The following UGGT1 variants were observed in gnomAD, a reference collection of about 807,000 sequenced individuals.
The protein encoded by UGGT1 is UDP-glucose glycoprotein glucosyltransferase 1, also known as UDP-glucose:glycoprotein glucosyltransferase 1.
In UGGT1, 107 loss-of-function variants were observed where a neutral mutation model predicts 203.9. That is an observed-to-expected ratio of 0.52 (90% CI 0.45 to 0.62). The LOEUF is 0.62. Ranked by LOEUF, UGGT1 falls within the 20% of genes least tolerant of loss-of-function variation. The pLI is 0.00. For missense variants in UGGT1, 1,673 were observed against 1,867.2 expected (o/e 0.90, Z 1.92); for synonymous variants, 628 against 653.5 (o/e 0.96, Z 0.59).
chr2:128,107,513 C>G (rs550328413), intron 3 of UGGT1, among the ~76,000 whole-genome samples: 23 of 152,220 alleles, frequency 1.5e-4, no homozygotes, highest in African/African-American at 4.8e-4. Flanking sequence ...TATAGATAGA[C>G]AGTGAATAAA....
At chr2:128,133,315 T>A in intron 14 of UGGT1, 55 bp downstream of exon 14, 1 of 1,593,242 alleles carries the variant, frequency 6.3e-7, no homozygotes, top group Non-Finnish European at 8.6e-7. Flanking sequence ...GCCTAGTCCC[T>A]CTTTTTTTGT....
Position 128,142,123 on chromosome 2 carries a change from G to A in UGGT1, c.1720-971G>A, listed in dbSNP as rs574558096. ...CGGCAGGCTAATTTTTGTGTTTTTA[G>A]TAGGGTTTCAGCATGTTGGCCAGGC... is the stretch of plus-strand genomic sequence containing the variant. On this transcript the variant is annotated intron_variant, in intron 16 of 40. Transcript: ENST00000259253. Among the ~76,000 whole-genome samples the A allele has an allele frequency of 4.6e-5, 7 of 151,814 alleles. No homozygotes were observed. In the South Asian group the frequency reaches 1.5e-3, roughly 32 times the overall value.
intron 2 of UGGT1, among the ~76,000 whole-genome samples, chr2:128,101,122 A>G (rs908133912): frequency 6.6e-6 from 1 of 152,186 alleles, no homozygotes; most frequent in Non-Finnish European, 1.5e-5. Context: ...CCAAGGTAAT[A>G]CGACATGTAG....
In UGGT1 at chr2:128,143,200, A is replaced by AT. The variant is rs767476081; in HGVS notation, c.1828dup (p.Ser610PhefsTer4). 14 of 1,613,472 alleles carry AT rather than the reference A, an allele frequency of 8.7e-6. No homozygotes were observed. Among genetic ancestry groups the AT allele is most frequent in the African/African-American group, 2.7e-5 (2 of 74,876 alleles). On this transcript the variant is annotated frameshift_variant, in exon 17 of 41. Transcript: ENST00000259253. LOFTEE classifies it high-confidence loss of function. ...GAAGTGAATAGCATTTTGGGGATTG[A>AT]TTCTGCTTATGATCGGAATCGGAAG...
At position 128,194,115 on chromosome 2, in the gene UGGT1, A is replaced by T. The variant is rs1331936006; in HGVS notation, c.*4373A>T. The T allele has an allele frequency of 6.6e-6, 1 of 152,108 alleles. No individual in the cohort carries two copies. Among genetic ancestry groups the T allele is most frequent in the Non-Finnish European group, 1.5e-5 (1 of 68,044 alleles). The allele number at this position is 152,108 out of a possible 1,614,324, so 9.4% of individuals were successfully genotyped here. ...CGTGGTTTTTTTCCCCCCTCAAGAC[A>T]GAGATTTGCTCTTGTTGCCCAGGGT... On this transcript the variant is annotated 3_prime_UTR_variant, in exon 41 of 41. Coordinates refer to ENST00000259253, the MANE Select transcript of UGGT1 (RefSeq NM_020120.4).
At chr2:128,096,831 C>T (rs146036016) in intron 1 of UGGT1, among the ~76,000 whole-genome samples, 1 of 152,254 alleles carries the variant, frequency 6.6e-6, no homozygotes, top group African/African-American at 2.4e-5. Flanking sequence ...CCTGGTGTGC[C>T]ACCAACTGAT....
rs189817474 is a variant in UGGT1 at position 128,158,748 on chromosome 2, G to A, written c.2356-766G>A. Among the ~76,000 whole-genome samples, 1,053 of 152,284 alleles carry A rather than the reference G, an allele frequency of 6.9e-3. 6 individuals carry two copies. Among genetic ancestry groups the A allele is most frequent in the South Asian group, 0.021 (102 of 4,822 alleles). On this transcript the variant is annotated intron_variant, in intron 22 of 40. Transcript: ENST00000259253. ...TACAAGCCCTTTTTTGGCTTTGTGT[G>A]TCCTGGGTGTATTCTTCCACTTGGA... is the stretch of plus-strand genomic sequence containing the variant.
chr2:128,106,930 G>A (rs1354896528), intron 3 of UGGT1, among the ~76,000 whole-genome samples: 1 of 152,074 alleles, frequency 6.6e-6, no homozygotes, highest in African/African-American at 2.4e-5. Flanking sequence ...CAATCCTCCT[G>A]CCTCGGCCTC....
chr2:128,185,915 G>A (rs1049525223), intron 38 of UGGT1, among the ~76,000 whole-genome samples: 16 of 152,044 alleles, frequency 1.1e-4, no homozygotes, highest in Admixed American at 1.0e-3. Flanking sequence ...GGACTCCACA[G>A]GAAAAAGGTT....
chr2:128,152,569 G>A (rs1363497802), intron 18 of UGGT1, among the ~76,000 whole-genome samples: 2 of 152,152 alleles, frequency 1.3e-5, no homozygotes, highest in Non-Finnish European at 2.9e-5. Context: ...AACAATATCT[G>A]CCTCACGTTG....
rs1690712543 is a variant in UGGT1, at chr2:128,164,911, T to TAAG, written c.2921+88_2921+90dup. ...ACCTCAGCTCCTTCATTTTTCCATA[T>TAAG]AAGATTTATATATAAGTTCTTACAG... is the stretch of plus-strand genomic sequence containing the variant. On this transcript the variant is annotated intron_variant, in intron 26 of 40. Transcript: ENST00000259253. The TAAG allele has an allele frequency of 3.1e-5, 30 of 971,890 alleles. No homozygotes were observed. The East Asian group carries it at 8.5e-4, about 28-fold the overall frequency. The allele number at this position is 971,890 out of a possible 1,614,324, so 60.2% of individuals were successfully genotyped here.
intron 1 of UGGT1, among the ~76,000 whole-genome samples, chr2:128,092,653 T>G (rs1191970407): frequency 6.9e-6 from 1 of 144,296 alleles, no homozygotes; most frequent in Non-Finnish European, 1.5e-5. Flanking sequence ...TTACCCAGGC[T>G]GGAGTGCAAT....
chr2:128,147,321 T>G (rs746625541), intron 18 of UGGT1, among the ~76,000 whole-genome samples: 10 of 152,214 alleles, frequency 6.6e-5, no homozygotes, highest in Non-Finnish European at 1.2e-4. Flanking sequence ...AAATCCAGAT[T>G]TCTATTTGGT....
chr2:128,173,657 T>G (rs1691229527), intron 29 of UGGT1, 124 bp from the exon 30 acceptor site: 1 of 1,175,518 alleles, frequency 8.5e-7, no homozygotes, highest in Non-Finnish European at 1.2e-6. Flanking sequence ...TTCTTGAATT[T>G]CTTAAAATAT....
chr2:128,114,490 C>T (rs1434816575), intron 6 of UGGT1, among the ~76,000 whole-genome samples: 1 of 152,092 alleles, frequency 6.6e-6, no homozygotes. Flanking sequence ...TCCCTCTGCC[C>T]CCTTCATTGC....
At chr2:128,180,857 A>G in intron 35 of UGGT1, 33 bp from the exon 36 acceptor site, 1 of 1,591,048 alleles carries the variant, frequency 6.3e-7, no homozygotes, top group East Asian at 2.2e-5. Context: ...ATCAGAAGAA[A>G]TGATTATTTG....
rs1690432851 is a variant in UGGT1 at position 128,159,696 on chromosome 2, T to G, written c.2538T>G (p.Ala846=). The G allele has an allele frequency of 1.2e-6, 2 of 1,614,134 alleles. No individual in the cohort carries two copies. The highest frequency in any genetic ancestry group is 1.7e-6 in the Non-Finnish European group (2 of 1,180,024). ...CTGCAGAGGCCCTGGCTGCAGGAGC[T>G]GACATTGCGGAGTTCTCTGTTGGGG... is the stretch of plus-strand genomic sequence containing the variant. ...EGAAEALAAG[A]DIAEFSVGGM... is the part of the protein sequence containing the mutation. Residue 846 remains alanine, a synonymous_variant, in exon 23 of 41, where the codon GCT becomes GCG. Coordinates refer to ENST00000259253, the MANE Select transcript of UGGT1 (RefSeq NM_020120.4).
Position 128,091,350 on chromosome 2 carries a change from GC to G in UGGT1, c.-5del. 7 of 1,557,842 alleles carry G rather than the reference GC, an allele frequency of 4.5e-6. No individual in the cohort carries two copies. The highest frequency in any genetic ancestry group is 6.1e-6 in the Non-Finnish European group (7 of 1,151,202). On this transcript the variant is annotated 5_prime_UTR_variant, in exon 1 of 41. Coordinates refer to ENST00000259253, the MANE Select transcript of UGGT1 (RefSeq NM_020120.4). The stretch of plus-strand genomic sequence containing the variant: ...CTGGCACTGTGGCGGACTGACCACG[GC>G]CCGGGCATGGGCTGCAAGGGAGACG...
At chr2:128,110,498 G>A (rs1024537498) in intron 5 of UGGT1, among the ~76,000 whole-genome samples, 16 of 152,178 alleles carry the variant, frequency 1.1e-4, no homozygotes, top group African/African-American at 3.9e-4. Flanking sequence ...CCATCTCCGG[G>A]TCAAGGCATG....
Sources: allele counts gnomAD v4.1 joint callset (sites outside exome capture counted in the v4.1 genomes callset), GRCh38; gene constraint gnomAD v4.1.1; transcripts MANE v1.5; gene names NCBI Gene and HGNC (gene_info 2026-07-23, HGNC 2026-07-21).